The following VGLL4 variants were observed in gnomAD, a reference collection of about 807,000 sequenced individuals.
The protein encoded by VGLL4 is transcription cofactor vestigial-like protein 4.
A neutral mutation model predicts 21.0 loss-of-function variants in VGLL4; 7 were observed. That is an observed-to-expected ratio of 0.33 (90% CI 0.19 to 0.63). VGLL4 has a LOEUF of 0.63. Ranked by LOEUF, VGLL4 falls within the 20% of genes least tolerant of loss-of-function variation. The pLI is 0.78. For synonymous variants in VGLL4, 222 were observed against 173.2 expected, an observed-to-expected ratio of 1.28 and a Z score of -2.21; for missense variants, 394 against 425.7, an observed-to-expected ratio of 0.93 and a Z score of 0.66.
chr3:11,598,323 G>A (rs1054659438), intron 2 of VGLL4, among the ~76,000 whole-genome samples: 6 of 151,912 alleles, frequency 3.9e-5, no homozygotes, highest in Non-Finnish European at 8.8e-5. Context: ...CACCTCGCCC[G>A]GCCTCTGCTG....
intron 2 of VGLL4, among the ~76,000 whole-genome samples, chr3:11,661,434 C>CA (rs1311930650): frequency 1.6e-4 from 16 of 97,444 alleles, no homozygotes; most frequent in South Asian, 1.3e-3. Flanking sequence ...AACATTTTTC[C>CA]TTTTATTTAT....
At chr3:11,711,702 G>C (rs568369756) in intron 1 of VGLL4, among the ~76,000 whole-genome samples, 1 of 152,244 alleles carries the variant, frequency 6.6e-6, no homozygotes, top group South Asian at 2.1e-4. Context: ...GGGTGACAGA[G>C]GGAGACCCTG....
At chr3:11,579,482 G>C (rs968574636) in intron 2 of VGLL4, among the ~76,000 whole-genome samples, 1 of 152,116 alleles carries the variant, frequency 6.6e-6, no homozygotes, top group Non-Finnish European at 1.5e-5. Context: ...GCTATCTCTG[G>C]AGCTTCACTG....
At chr3:11,646,130 C>G (rs2075787323), upstream of VGLL4, among the ~76,000 whole-genome samples, 1 of 152,108 alleles carries the variant, frequency 6.6e-6, no homozygotes. Context: ...TTTATTGACA[C>G]TATATTACAT....
chr3:11,719,430 T>C lies in VGLL4; in HGVS notation c.-14+964A>G, dbSNP rs924354887. ...AACCGCACTCACCGCCCGGCGGCTC[T>C]GGGCGCGCCCGCCTGGGGCCGGCCT... On this transcript the variant is annotated intron_variant, in intron 1 of 5. Coordinates refer to the VGLL4 transcript ENST00000273038. The surrounding 1 kb of genome is among the most constrained non-coding windows in gnomAD (Gnocchi z 4.0). The C allele has an allele frequency of 6.6e-6, 1 of 151,668 alleles. No homozygotes were observed. Among genetic ancestry groups the C allele is most frequent in the Non-Finnish European group, 1.5e-5 (1 of 67,836 alleles). 9.4% of individuals were successfully genotyped at this position (151,668 alleles called of 1,614,324 possible).
At chr3:11,657,106 C>T (rs555727312) in intron 2 of VGLL4, among the ~76,000 whole-genome samples, 1 of 152,280 alleles carries the variant, frequency 6.6e-6, no homozygotes, top group South Asian at 2.1e-4. Flanking sequence ...ATCCAGTTCC[C>T]AGGCCATAAC....
chr3:11,594,906 A>T (rs986335692), intron 2 of VGLL4, among the ~76,000 whole-genome samples: 3 of 152,250 alleles, frequency 2.0e-5, no homozygotes, highest in African/African-American at 7.2e-5. Context: ...TCACGCCAGT[A>T]ATCCCAGCAC....
rs542796734 is a variant in VGLL4 at position 11,689,910 on chromosome 3, A to G, written c.64+13061T>C. Among the ~76,000 whole-genome samples the G allele has an allele frequency of 7.9e-5, 12 of 152,306 alleles. 1 individual carries two copies. The South Asian group carries it at 2.3e-3, about 29-fold the overall frequency. On this transcript the variant is annotated intron_variant, in intron 2 of 5. Transcript: ENST00000273038. ...CCAGTGGCGAAGGACGTTCACAGAT[A>G]CCGCCTGCTAGAGGGCCTACATTTC...
At chr3:11,621,713 T>C (rs2075269840) in intron 1 of VGLL4, among the ~76,000 whole-genome samples, 1 of 152,220 alleles carries the variant, frequency 6.6e-6, no homozygotes, top group Admixed American at 6.5e-5. Context: ...ATGGTAACTC[T>C]ATGTTTAACA....
chr3:11,625,426 T>C (rs2075333853), intron 1 of VGLL4, among the ~76,000 whole-genome samples: 1 of 152,224 alleles, frequency 6.6e-6, no homozygotes, highest in Non-Finnish European at 1.5e-5. Flanking sequence ...AGTTTGAAAA[T>C]GCCAAATTTT....
chr3:11,596,712 T>C (rs1024613342), intron 2 of VGLL4, among the ~76,000 whole-genome samples: 5 of 152,236 alleles, frequency 3.3e-5, no homozygotes, highest in African/African-American at 1.2e-4. Context: ...ATGTGGCTAC[T>C]AAGCTTGAAA....
At chr3:11,669,890 G>A (rs982924577) in intron 2 of VGLL4, among the ~76,000 whole-genome samples, 3 of 151,912 alleles carry the variant, frequency 2.0e-5, no homozygotes, top group South Asian at 2.1e-4. Flanking sequence ...TCCTGGCCTC[G>A]AGTGATCTTC....
At chr3:11,579,358 A>C (rs1249900676) in intron 2 of VGLL4, among the ~76,000 whole-genome samples, 1 of 152,204 alleles carries the variant, frequency 6.6e-6, no homozygotes, top group Non-Finnish European at 1.5e-5. Context: ...AATAAAGCAG[A>C]GTTCCCACGG....
chr3:11,651,378 T>C (rs73127199), intron 2 of VGLL4, among the ~76,000 whole-genome samples: 2,405 of 151,326 alleles, frequency 0.016, 63 homozygotes, highest in African/African-American at 0.054. Context: ...GAAAAGGGTT[T>C]AAGGTAAAAC....
intron 1 of VGLL4, among the ~76,000 whole-genome samples, chr3:11,710,738 T>C (rs2076830682): frequency 6.6e-6 from 1 of 152,136 alleles, no homozygotes; most frequent in Admixed American, 6.5e-5. Flanking sequence ...TAATATACAA[T>C]GGTAGGACAA....
chr3:11,564,667 T>G, intron 3 of VGLL4, 130 bp downstream of exon 3: 1 of 1,135,662 alleles, frequency 8.8e-7, no homozygotes, highest in Non-Finnish European at 1.2e-6. Context: ...GTGGCATCCC[T>G]CACCACCTCC....
intron 2 of VGLL4, among the ~76,000 whole-genome samples, chr3:11,672,046 G>GAAATTTA (rs2076225653): frequency 6.6e-6 from 1 of 151,232 alleles, no homozygotes. Flanking sequence ...CCTGCAAAGC[G>GAAATTTA]GAATAATTTT....
chr3:11,600,568 T>C (rs2074769596), intron 2 of VGLL4, among the ~76,000 whole-genome samples: 1 of 152,180 alleles, frequency 6.6e-6, no homozygotes, highest in South Asian at 2.1e-4. Context: ...GGCTCCAGAC[T>C]GCAGGCTCAG....
chr3:11,693,378 C>A (rs1456690576), intron 2 of VGLL4, among the ~76,000 whole-genome samples: 4 of 152,054 alleles, frequency 2.6e-5, no homozygotes, highest in Non-Finnish European at 4.4e-5. Flanking sequence ...TAAATGCCCA[C>A]CATATGCACC....
Sources: gnomAD v4.1 joint callset for allele counts (sites outside exome capture counted in the v4.1 genomes callset) on GRCh38, gnomAD v4.1.1 for gene constraint, Gnocchi (gnomAD v3.1) non-coding constraint, MANE v1.5 for transcripts, NCBI Gene and HGNC (gene_info 2026-07-23, HGNC 2026-07-21) for gene names.